Variants in RALYL observed in about 807,000 individuals in gnomAD.
The protein encoded by RALYL is RNA-binding Raly-like protein.
In RALYL, 29 loss-of-function variants were observed where a neutral mutation model predicts 35.1. That is an observed-to-expected ratio of 0.83 (90% CI 0.61 to 1.13). The LOEUF is 1.13. Among genes scored for constraint, RALYL ranks in the 50% most tolerant of loss-of-function variants. RALYL has a pLI of 0.00. For missense variants in RALYL, 359 were observed against 360.4 expected (o/e 1.00, Z 0.03); for synonymous variants, 120 against 127.6 (o/e 0.94, Z 0.40).
intron 1 of RALYL, among the ~76,000 whole-genome samples, chr8:84,493,426 A>G (rs558328159): frequency 6.6e-6 from 1 of 152,286 alleles, no homozygotes; most frequent in East Asian, 1.9e-4. Flanking sequence ...TTTTGGGTAT[A>G]TACCAAGTAA....
intron 2 of RALYL, among the ~76,000 whole-genome samples, chr8:84,573,595 T>C (rs1238375717): frequency 6.6e-6 from 1 of 151,926 alleles, no homozygotes; most frequent in Non-Finnish European, 1.5e-5. Context: ...ATTTGTTTCA[T>C]AGAATATGGA....
intron 4 of RALYL, among the ~76,000 whole-genome samples, chr8:84,830,145 C>A (rs74670217): frequency 0.014 from 2,173 of 151,986 alleles, 44 homozygotes; most frequent in African/African-American, 0.048. Context: ...GAGGCAGTGT[C>A]ACCTCATTGG....
chr8:84,452,770 T>G (rs1373636467), intron 1 of RALYL, among the ~76,000 whole-genome samples: 2 of 151,994 alleles, frequency 1.3e-5, no homozygotes, highest in East Asian at 3.9e-4. Context: ...TTTCATTACC[T>G]TCTTTTCTAA....
chr8:84,912,190 G>A (rs1423668755), intron 8 of RALYL, among the ~76,000 whole-genome samples: 1 of 151,772 alleles, frequency 6.6e-6, no homozygotes, highest in Non-Finnish European at 1.5e-5. Flanking sequence ...AGAGCAAAGG[G>A]CTTGTTATGA....
chr8:84,668,161 T>A (rs1472115914), intron 2 of RALYL, among the ~76,000 whole-genome samples: 1 of 152,174 alleles, frequency 6.6e-6, no homozygotes, highest in African/African-American at 2.4e-5. Flanking sequence ...TGTCAAGGTA[T>A]ATGACAATCA....
rs141355175 is a variant in RALYL, at chr8:84,307,154, A to G, written c.-24+122730A>G. On this transcript the variant is annotated intron_variant, in intron 1 of 8. Transcript: ENST00000521268. ...CACAGGGAGGAATAGTGATCTTCCT[A>G]TGAGTTAGGAAGAGAAGAGAAACCC... is the stretch of plus-strand genomic sequence containing the variant. 2.6e-5 allele frequency among the ~76,000 whole-genome samples: 4 copies of G among 152,304 alleles called. No individual in the cohort carries two copies. The East Asian group carries it at 7.7e-4, about 29-fold the overall frequency.
Position 84,824,744 on chromosome 8 carries a change from C to A in RALYL, c.365+19942C>A, listed in dbSNP as rs563338168. On this transcript the variant is annotated intron_variant, in intron 4 of 8. Transcript: ENST00000521268. ...GCTATCTGATCTTTGACAAAGCCAA[C>A]AAAAATAAGCGATGGGGAATGGACT... is the stretch of plus-strand genomic sequence containing the variant. Among the ~76,000 whole-genome samples the A allele has an allele frequency of 1.2e-4, 19 of 152,194 alleles. No homozygotes were observed. In the East Asian group the frequency reaches 3.3e-3, roughly 26 times the overall value.
intron 2 of RALYL, among the ~76,000 whole-genome samples, chr8:84,555,896 T>A (rs1274641065): frequency 6.6e-6 from 1 of 152,148 alleles, no homozygotes; most frequent in Non-Finnish European, 1.5e-5. Context: ...AAAGAGCAGG[T>A]GAAGGGTAGT....
intron 1 of RALYL, among the ~76,000 whole-genome samples, chr8:84,311,069 A>AG (rs1842709247): frequency 8.4e-6 from 1 of 119,206 alleles, no homozygotes; most frequent in Non-Finnish European, 1.8e-5. Context: ...AAAAAAAAAA[A>AG]AAAAAAAAAA....
chr8:84,248,292 G>A (rs1829524328), intron 1 of RALYL, among the ~76,000 whole-genome samples: 1 of 152,078 alleles, frequency 6.6e-6, no homozygotes, highest in Non-Finnish European at 1.5e-5. Flanking sequence ...GGGGCTTATG[G>A]GAGTAAATAG....
intron 1 of RALYL, among the ~76,000 whole-genome samples, chr8:84,211,641 T>C (rs1397895405): frequency 6.6e-6 from 1 of 152,162 alleles, no homozygotes; most frequent in Admixed American, 6.5e-5. Context: ...TGCATGTACC[T>C]TGATCCAAAA....
intron 1 of RALYL, among the ~76,000 whole-genome samples, chr8:84,199,744 A>G (rs1369818695): frequency 6.6e-6 from 1 of 151,522 alleles, no homozygotes; most frequent in African/African-American, 2.4e-5. Flanking sequence ...ACCATTTATT[A>G]AAGAAACTGT....
At chr8:84,495,143 T>C (rs1388107661) in intron 1 of RALYL, among the ~76,000 whole-genome samples, 1 of 152,172 alleles carries the variant, frequency 6.6e-6, no homozygotes, top group Non-Finnish European at 1.5e-5. Flanking sequence ...TTTCTGCATC[T>C]ATTGAGATAA....
intron 1 of RALYL, among the ~76,000 whole-genome samples, chr8:84,368,361 C>T (rs1316877093): frequency 6.6e-6 from 1 of 151,988 alleles, no homozygotes; most frequent in Non-Finnish European, 1.5e-5. Context: ...TTTTGATGCA[C>T]AAAATTATAT....
intron 1 of RALYL, among the ~76,000 whole-genome samples, chr8:84,364,496 C>T (rs1394524628): frequency 6.6e-6 from 1 of 151,450 alleles, no homozygotes; most frequent in Non-Finnish European, 1.5e-5. Context: ...GGTATATTAG[C>T]TTATTCTTAT....
chr8:84,785,106 T>C (rs188269489), intron 3 of RALYL, among the ~76,000 whole-genome samples: 1 of 152,314 alleles, frequency 6.6e-6, no homozygotes, highest in Non-Finnish European at 1.5e-5. Context: ...ATAGTTTATG[T>C]AGAGTTTGGG....
At chr8:84,902,775 AAAGG>A (rs751145634) in intron 8 of RALYL, among the ~76,000 whole-genome samples, 2 of 152,192 alleles carry the variant, frequency 1.3e-5, no homozygotes, top group Non-Finnish European at 2.9e-5. Context: ...CATATCTGTT[AAAGG>A]AAGTTTTTTT....
intron 2 of RALYL, among the ~76,000 whole-genome samples, chr8:84,626,182 C>T (rs1271021206): frequency 1.3e-5 from 2 of 152,082 alleles, no homozygotes; most frequent in Non-Finnish European, 2.9e-5. Context: ...TTGTAATTTA[C>T]TAAGTTAGAG....
At chr8:84,564,029 T>C (rs976660618) in intron 2 of RALYL, among the ~76,000 whole-genome samples, 1 of 151,736 alleles carries the variant, frequency 6.6e-6, no homozygotes, top group Non-Finnish European at 1.5e-5. Context: ...AGAAACAATT[T>C]CTTCATATAA....
Sources: allele counts gnomAD v4.1 joint callset (sites outside exome capture counted in the v4.1 genomes callset), GRCh38; gene constraint gnomAD v4.1.1; transcripts MANE v1.5; gene names NCBI Gene and HGNC (gene_info 2026-07-23, HGNC 2026-07-21).